The following GCDH variants were observed in gnomAD, a reference collection of about 807,000 sequenced individuals.
The protein encoded by GCDH is glutaryl-CoA dehydrogenase.
Under a neutral mutation model 52.8 loss-of-function variants are expected in GCDH, and 31 were observed. The observed-to-expected ratio is 0.59, with a 90% CI of 0.44 to 0.79. The LOEUF is 0.79. Among genes scored for constraint, GCDH ranks in the 30% least tolerant of loss-of-function variants. The pLI is 0.00. For synonymous variants in GCDH, 242 were observed against 250.0 expected, an observed-to-expected ratio of 0.97 and a Z score of 0.30; for missense variants, 509 against 595.0, an observed-to-expected ratio of 0.86 and a Z score of 1.50.
At chr19:12,893,932 G>A in intron 6 of GCDH, 2 of 589,988 alleles carry the variant, frequency 3.4e-6, no homozygotes, top group Non-Finnish European at 6.0e-6. Context: ...CATTTGCAGT[G>A]GCTCACACCT....
At chr19:12,893,890 C>G in intron 6 of GCDH, 1 of 611,656 alleles carries the variant, frequency 1.6e-6, no homozygotes, top group Non-Finnish European at 2.9e-6. Flanking sequence ...CAGTCCAGCC[C>G]AAAGTTTAAA....
Position 12,899,786 on chromosome 19 carries a change from A to G in GCDH, c.*245A>G, listed in dbSNP as rs758089367. On this transcript the variant is annotated 3_prime_UTR_variant, in exon 12 of 12. Coordinates refer to ENST00000222214, the MANE Select transcript of GCDH (RefSeq NM_000159.4). ...TTAACCATGGATGAGAGCAGACTCCATTTACCCTGAAATAGCAGCTTCTCT... is the reference window on the plus strand; with the variant it reads ...TTAACCATGGATGAGAGCAGACTCCGTTTACCCTGAAATAGCAGCTTCTCT... 5.6e-6 allele frequency: 9 copies of G among 1,597,256 alleles called. No individual in the cohort carries two copies. In the Admixed American group the frequency reaches 6.7e-5, roughly 12 times the overall value.
chr19:12,896,216 C>T lies in GCDH; in HGVS notation c.647C>T (p.Ser216Leu), dbSNP rs1449724176. Residue 216 changes from serine (S) to leucine (L), a missense_variant, in exon 8 of 12, where the codon TCG becomes TTG. Physicochemically the swap from Ser to Leu is moderately radical, Grantham distance 145. Coordinates refer to ENST00000222214, the MANE Select transcript of GCDH (RefSeq NM_000159.4). The surrounding 1 kb of genome is among the most constrained non-coding windows in gnomAD (Gnocchi z 5.5). ...LNGTKTWITNSPMADLFVVWA... is the reference protein window; with the variant it reads ...LNGTKTWITNLPMADLFVVWA... ...TGTTCCATCCCCAGGATCACGAACT[C>T]GCCTATGGCCGATCTGTTTGTAGTG... The T allele has an allele frequency of 4.3e-6, 7 of 1,614,110 alleles. No individual in the cohort carries two copies. Among genetic ancestry groups the T allele is most frequent in the Non-Finnish European group, 5.1e-6 (6 of 1,180,018 alleles).
chr19:12,893,140 G>A (rs1970597114), intron 5 of GCDH, among the ~76,000 whole-genome samples: 3 of 152,024 alleles, frequency 2.0e-5, no homozygotes, highest in East Asian at 1.9e-4. Context: ...ACCCACCTCG[G>A]CCTCCCAAAG....
chr19:12,897,118 C>T (rs759897264), intron 9 of GCDH, 105 bp downstream of exon 9: 159 of 1,196,192 alleles, frequency 1.3e-4, no homozygotes, highest in Non-Finnish European at 1.8e-4. Flanking sequence ...GGCCTGAGTT[C>T]CTTGCTCTGG....
At chr19:12,899,068 A>C (rs1970767662) in intron 11 of GCDH, 1 of 498,952 alleles carries the variant, frequency 2.0e-6, no homozygotes, top group African/African-American at 2.0e-5. Context: ...GTGGCAAGGA[A>C]GCGTGGCCAG....
Position 12,896,230 on chromosome 19 carries a change from C to T in GCDH, c.661C>T (p.Leu221=). Residue 221 remains leucine, a synonymous_variant, in exon 8 of 12, where the codon CTG becomes TTG. Coordinates refer to ENST00000222214, the MANE Select transcript of GCDH (RefSeq NM_000159.4). The surrounding 1 kb of genome is among the most constrained non-coding windows in gnomAD (Gnocchi z 5.5). ...TWITNSPMAD[L]FVVWARCEDG... is the part of the protein sequence containing the mutation. ...GATCACGAACTCGCCTATGGCCGAT[C>T]TGTTTGTAGTGTGGGCTCGGTGTGA... 1.9e-6 allele frequency: 3 copies of T among 1,614,050 alleles called. No homozygotes were observed. The highest frequency in any genetic ancestry group is 2.5e-6 in the Non-Finnish European group (3 of 1,179,922).
intron 9 of GCDH, 77 bp downstream of exon 9, chr19:12,897,090 C>T (rs1184588820): frequency 4.7e-6 from 6 of 1,277,124 alleles, no homozygotes; most frequent in Non-Finnish European, 6.7e-6. Context: ...TGGGTGACTC[C>T]CCAGCCCCCA....
At position 12,896,592 on chromosome 19, in the gene GCDH, G is replaced by A. The variant is rs758423498; in HGVS notation, c.852+171G>A. ...TGAAAACTGCCCCCATTTGGTGACC[G>A]TCTCGCTCATCCCGGCTCTGCCCGG... On this transcript the variant is annotated intron_variant, in intron 8 of 11. Coordinates refer to ENST00000222214, the MANE Select transcript of GCDH (RefSeq NM_000159.4). The surrounding 1 kb of genome is among the most constrained non-coding windows in gnomAD (Gnocchi z 5.5). 5.9e-5 allele frequency among the ~76,000 whole-genome samples: 9 copies of A among 152,182 alleles called. No individual in the cohort carries two copies. Among genetic ancestry groups the A allele is most frequent in the Non-Finnish European group, 8.8e-5 (6 of 68,026 alleles).
intron 6 of GCDH, chr19:12,894,550 C>G: frequency 1.5e-6 from 1 of 659,586 alleles, no homozygotes; most frequent in African/African-American, 1.8e-5. Flanking sequence ...GTACAGCTAG[C>G]AGAATCCGTA....
rs539699334 is a variant in GCDH, at chr19:12,894,705, G to A, written c.505+1052G>A. 1.0e-4 allele frequency: 81 copies of A among 792,334 alleles called. No homozygotes were observed. In the African/African-American group the frequency reaches 1.1e-3, roughly 10 times the overall value. The allele number at this position is 792,334 out of a possible 1,614,324, so 49.1% of individuals were successfully genotyped here. A position where few individuals can be genotyped will look rare whatever the true frequency, so the allele number is the denominator to read the frequency against. On this transcript the variant is annotated intron_variant, in intron 6 of 11. Coordinates refer to ENST00000222214, the MANE Select transcript of GCDH (RefSeq NM_000159.4). Reference sequence around the variant, plus strand: ...CATGTCCTGCAGCACAAACAGCGGCGTATTGCTCTGAAGCAGCCGCATATT... The same window carrying A: ...CATGTCCTGCAGCACAAACAGCGGCATATTGCTCTGAAGCAGCCGCATATT...
Position 12,896,876 on chromosome 19 carries a change from TG to T in GCDH, c.853-31del. The T allele has an allele frequency of 6.7e-7, 1 of 1,486,690 alleles. No homozygotes were observed. Among genetic ancestry groups the T allele is most frequent in the Non-Finnish European group, 9.4e-7 (1 of 1,065,250 alleles). The allele number at this position is 1,486,690 out of a possible 1,614,324, so 92.1% of individuals were successfully genotyped here. A position where few individuals can be genotyped will look rare whatever the true frequency, so the allele number is the denominator to read the frequency against. ...CTGCATAGGCCCTCTTGGTGTCTCTTGGGTGGGCCTGAGGCGCCATCTCAAC... is the reference window on the plus strand; with the variant it reads ...CTGCATAGGCCCTCTTGGTGTCTCTTGGTGGGCCTGAGGCGCCATCTCAAC... On this transcript the variant is annotated intron_variant, in intron 8 of 11. Transcript: ENST00000222214. This position sits in a 1 kb window ranked among gnomAD's most constrained non-coding sequence, Gnocchi z 5.5.
chr19:12,896,156 G>A lies in GCDH; in HGVS notation c.635+35G>A. The A allele has an allele frequency of 6.2e-7, 1 of 1,614,156 alleles. No homozygotes were observed. On this transcript the variant is annotated intron_variant, in intron 7 of 11. Coordinates refer to ENST00000222214, the MANE Select transcript of GCDH (RefSeq NM_000159.4). This position sits in a 1 kb window ranked among gnomAD's most constrained non-coding sequence, Gnocchi z 5.5. ...CTGGGTGGTGGGCAGGTGGTGAACA[G>A]GGGCAAAGGGGCACTGGTCAGACCC...
intron 6 of GCDH, chr19:12,894,751 T>C: frequency 1.2e-6 from 1 of 830,478 alleles, no homozygotes; most frequent in South Asian, 2.0e-5. Flanking sequence ...AAGAAGAGGC[T>C]GCAGAATATG....
chr19:12,893,250 T>C, intron 5 of GCDH, among the ~76,000 whole-genome samples: 1 of 152,118 alleles, frequency 6.6e-6, no homozygotes, highest in Admixed American at 6.6e-5. Context: ...CAAGTGATCC[T>C]CTTGCCTTAC....
chr19:12,897,904 T>C, intron 11 of GCDH, 41 bp downstream of exon 11: 2 of 1,562,960 alleles, frequency 1.3e-6, no homozygotes, highest in Non-Finnish European at 1.8e-6. Context: ...GGCCTCAGTG[T>C]CTGGGGAGGG....
rs149837824 is a variant in GCDH at position 12,894,325 on chromosome 19, C to T, written c.505+672C>T. ...CAATAAACAAGGTTTCCCCTTGAAA[C>T]AGGGTGTCTTGACCCATGGCCGTGT... On this transcript the variant is annotated intron_variant, in intron 6 of 11. Transcript: ENST00000222214. 1,587 of 787,740 alleles carry T rather than the reference C, an allele frequency of 2.0e-3. 2 individuals carry two copies. The highest frequency in any genetic ancestry group is 2.3e-3 in the Non-Finnish European group (971 of 430,740). The allele number at this position is 787,740 out of a possible 1,614,324, so 48.8% of individuals were successfully genotyped here.
chr19:12,891,192 G>C lies in GCDH; in HGVS notation c.-45G>C, dbSNP rs578258110. The C allele has an allele frequency of 2.4e-5, 19 of 781,056 alleles. No individual in the cohort carries two copies. Among genetic ancestry groups the C allele is most frequent in the Non-Finnish European group, 3.1e-5 (14 of 457,956 alleles). 48.4% of individuals were successfully genotyped at this position (781,056 alleles called of 1,614,324 possible). On this transcript the variant is annotated 5_prime_UTR_variant, in exon 1 of 12. Transcript: ENST00000222214. ...CTGTAGCCTCGGCAGTGAACCGGGAGGTACTACCAGGTAAGGAAGGTGCGG... is the reference window on the plus strand; with the variant it reads ...CTGTAGCCTCGGCAGTGAACCGGGACGTACTACCAGGTAAGGAAGGTGCGG...
In GCDH at chr19:12,897,826, G is replaced by A. The variant is rs1444364709; in HGVS notation, c.1206G>A (p.Arg402=). The part of the protein sequence containing the change: ...NGISDEYHVI[R]HAMNLEAVNT... ...TTTCTGACGAGTATCACGTGATCCG[G>A]CACGCCATGAACCTGGAGGCCGTGA... The change falls in exon 11 of 12, where the codon CGG becomes CGA. Residue 402 remains arginine, a synonymous_variant. Coordinates refer to ENST00000222214, the MANE Select transcript of GCDH (RefSeq NM_000159.4). The A allele has an allele frequency of 1.9e-6, 3 of 1,613,974 alleles. No individual in the cohort carries two copies. The highest frequency in any genetic ancestry group is 8.5e-7 in the Non-Finnish European group (1 of 1,179,956).
Sources: allele counts gnomAD v4.1 joint callset (sites outside exome capture counted in the v4.1 genomes callset), GRCh38; gene constraint gnomAD v4.1.1; non-coding constraint Gnocchi (gnomAD v3.1); transcripts MANE v1.5; gene names NCBI Gene and HGNC (gene_info 2026-07-23, HGNC 2026-07-21).